Variants in SLC24A3 observed in about 807,000 individuals in gnomAD.
SLC24A3 encodes solute carrier family 24 member 3, also known as sodium/potassium/calcium exchanger 3.
SLC24A3 carries 28 observed loss-of-function variants against 75.8 expected under a neutral mutation model. That is an observed-to-expected ratio of 0.37 (90% CI 0.27 to 0.51). SLC24A3 has a LOEUF of 0.51. Ranked by LOEUF, SLC24A3 falls within the 20% of genes least tolerant of loss-of-function variation. The pLI is 0.94. For synonymous variants in SLC24A3, 372 were observed against 334.1 expected (o/e 1.11, Z -1.24); for missense variants, 663 against 847.8 (o/e 0.78, Z 2.71).
chr20:19,620,324 T>C (rs1465595461), intron 6 of SLC24A3, among the ~76,000 whole-genome samples: 1 of 152,194 alleles, frequency 6.6e-6, no homozygotes, highest in African/African-American at 2.4e-5. Flanking sequence ...GTCAATCTTT[T>C]TTGGGGGGGA....
chr20:19,474,978 A>G (rs1987938235), intron 2 of SLC24A3, among the ~76,000 whole-genome samples: 1 of 152,170 alleles, frequency 6.6e-6, no homozygotes. Context: ...ATCTTCTGAT[A>G]TGAAAAAGGC....
intron 2 of SLC24A3, among the ~76,000 whole-genome samples, chr20:19,430,873 C>T (rs1171195731): frequency 6.6e-6 from 1 of 152,168 alleles, no homozygotes; most frequent in Non-Finnish European, 1.5e-5. Flanking sequence ...CACACATACG[C>T]AGACACGGTC....
intron 6 of SLC24A3, among the ~76,000 whole-genome samples, chr20:19,610,285 T>C (rs544490279): frequency 1.3e-5 from 2 of 152,312 alleles, no homozygotes; most frequent in East Asian, 3.9e-4. Flanking sequence ...CATTGGGATC[T>C]CCTAGGTACA....
intron 9 of SLC24A3, among the ~76,000 whole-genome samples, chr20:19,678,123 G>A (rs1447434041): frequency 6.0e-5 from 9 of 149,648 alleles, no homozygotes; most frequent in Non-Finnish European, 1.0e-4. Flanking sequence ...ACACAGACAC[G>A]GCAACCATTC....
intron 2 of SLC24A3, among the ~76,000 whole-genome samples, chr20:19,344,745 C>A (rs1985350457): frequency 6.6e-6 from 1 of 152,204 alleles, no homozygotes. Flanking sequence ...CTCCCCAGCA[C>A]TCCTGGCTTC....
chr20:19,509,375 A>G (rs925482297), intron 2 of SLC24A3, among the ~76,000 whole-genome samples: 2 of 152,214 alleles, frequency 1.3e-5, no homozygotes, highest in African/African-American at 4.8e-5. Flanking sequence ...GGAGAGGGTG[A>G]CATCAGCACC....
intron 3 of SLC24A3, among the ~76,000 whole-genome samples, chr20:19,532,657 G>A (rs1251784665): frequency 6.6e-6 from 1 of 152,216 alleles, no homozygotes; most frequent in African/African-American, 2.4e-5. Context: ...TAGGTGACAC[G>A]TTCAGAGCTG....
At chr20:19,669,804 C>G (rs536156794) in intron 8 of SLC24A3, among the ~76,000 whole-genome samples, 1 of 152,164 alleles carries the variant, frequency 6.6e-6, no homozygotes, top group South Asian at 2.1e-4. Flanking sequence ...CAACAGTGTA[C>G]CCAGGTGAGG....
At chr20:19,439,080 C>G (rs1987256523) in intron 2 of SLC24A3, among the ~76,000 whole-genome samples, 1 of 152,212 alleles carries the variant, frequency 6.6e-6, no homozygotes, top group Non-Finnish European at 1.5e-5. Flanking sequence ...GTTGGCACCC[C>G]ACATCCCATA....
chr20:19,392,579 A>G (rs944002762), intron 2 of SLC24A3, among the ~76,000 whole-genome samples: 2 of 152,180 alleles, frequency 1.3e-5, no homozygotes, highest in African/African-American at 4.8e-5. Flanking sequence ...ACTAGAACCA[A>G]ATACAAAACT....
At chr20:19,286,032 G>C (rs1422821217) in intron 2 of SLC24A3, among the ~76,000 whole-genome samples, 1 of 152,198 alleles carries the variant, frequency 6.6e-6, no homozygotes, top group Non-Finnish European at 1.5e-5. Flanking sequence ...TATTTAAAAT[G>C]ATGGCCTTTG....
At chr20:19,441,160 G>A (rs568287732) in intron 2 of SLC24A3, among the ~76,000 whole-genome samples, 5 of 152,296 alleles carry the variant, frequency 3.3e-5, no homozygotes, top group African/African-American at 1.2e-4. Context: ...ACCTCTGTAT[G>A]GGACCTTCCC....
At chr20:19,585,100 G>T in intron 5 of SLC24A3, 45 bp downstream of exon 5, 2 of 1,537,544 alleles carry the variant, frequency 1.3e-6, no homozygotes, top group Non-Finnish European at 1.8e-6. Flanking sequence ...ACTGTCTGAA[G>T]GAAAAGGGCT....
intron 2 of SLC24A3, among the ~76,000 whole-genome samples, chr20:19,347,061 A>G (rs1245335011): frequency 6.6e-6 from 1 of 152,226 alleles, no homozygotes; most frequent in Non-Finnish European, 1.5e-5. Context: ...ATCAAGCCAC[A>G]AAAAGACATT....
intron 2 of SLC24A3, among the ~76,000 whole-genome samples, chr20:19,481,294 T>C (rs1048214064): frequency 6.6e-6 from 1 of 152,194 alleles, no homozygotes; most frequent in African/African-American, 2.4e-5. Flanking sequence ...GCAGTGACTA[T>C]GTGCTGGACA....
At chr20:19,575,166 T>TTC (rs1478164765) in intron 3 of SLC24A3, among the ~76,000 whole-genome samples, 3 of 150,906 alleles carry the variant, frequency 2.0e-5, no homozygotes, top group Non-Finnish European at 3.0e-5. Context: ...GTAGGAGGAT[T>TTC]TCTTGAGTCT....
intron 9 of SLC24A3, among the ~76,000 whole-genome samples, chr20:19,678,163 C>G (rs1194811527): frequency 6.6e-6 from 1 of 150,850 alleles, no homozygotes; most frequent in Non-Finnish European, 1.5e-5. Flanking sequence ...CACCTTTCCC[C>G]CCTTTCTATT....
intron 6 of SLC24A3, among the ~76,000 whole-genome samples, chr20:19,650,146 A>C (rs1213140892): frequency 4.6e-5 from 7 of 152,028 alleles, no homozygotes; most frequent in Non-Finnish European, 1.0e-4. Flanking sequence ...ATGCCTTCTT[A>C]CCTGTGCTCC....
chr20:19,700,256 C>G (rs2032855222), intron 15 of SLC24A3, among the ~76,000 whole-genome samples: 1 of 152,210 alleles, frequency 6.6e-6, no homozygotes, highest in African/African-American at 2.4e-5. Flanking sequence ...ATGTTCCCAT[C>G]CTGGCAGCTC....
Sources: allele counts gnomAD v4.1 joint callset (sites outside exome capture counted in the v4.1 genomes callset), GRCh38; gene constraint gnomAD v4.1.1; transcripts MANE v1.5; gene names NCBI Gene and HGNC (gene_info 2026-07-23, HGNC 2026-07-21).